TMED8: variants seen among roughly 807,000 people sequenced by gnomAD.
TMED8 encodes protein TMED8.
TMED8 carries 15 observed loss-of-function variants against 32.7 expected under a neutral mutation model. The ratio of observed to expected loss-of-function variants is 0.46; its 90% CI spans 0.31 to 0.71. The LOEUF (loss-of-function observed/expected upper bound fraction) is 0.71, where lower values mean the gene tolerates loss of function less well. Among genes scored for constraint, TMED8 ranks in the 30% least tolerant of loss-of-function variants. TMED8 has a pLI of 0.06. For synonymous variants in TMED8, 147 were observed against 161.4 expected, an observed-to-expected ratio of 0.91 and a Z score of 0.68; for missense variants, 390 against 423.9, an observed-to-expected ratio of 0.92 and a Z score of 0.70.
chr14:77,353,287 C>A (rs1402874401), intron 1 of TMED8, among the ~76,000 whole-genome samples: 1 of 152,172 alleles, frequency 6.6e-6, no homozygotes, highest in Non-Finnish European at 1.5e-5. Context: ...CTTCTCAATA[C>A]AAAATGCAAC....
chr14:77,350,881 TTA>T (rs1459345684), intron 2 of TMED8, among the ~76,000 whole-genome samples: 1 of 152,220 alleles, frequency 6.6e-6, no homozygotes, highest in East Asian at 1.9e-4. Context: ...ATATTCACAA[TTA>T]GCATTTTATG....
intron 2 of TMED8, among the ~76,000 whole-genome samples, chr14:77,348,415 T>G (rs995843630): frequency 5.3e-5 from 8 of 152,098 alleles, no homozygotes; most frequent in East Asian, 1.9e-4. Context: ...AGTAGAGACG[T>G]GGTTTCACCA....
At chr14:77,344,857 A>G (rs1892988626) in intron 3 of TMED8, among the ~76,000 whole-genome samples, 1 of 152,232 alleles carries the variant, frequency 6.6e-6, no homozygotes, top group African/African-American at 2.4e-5. Context: ...GAAATGAATC[A>G]GACTTTGGCT....
At position 77,335,145 on chromosome 14, in the gene TMED8, G is replaced by C. The variant is rs74063329; in HGVS notation, c.*6626C>G. On this transcript the variant is annotated 3_prime_UTR_variant, in exon 6 of 6. Transcript: ENST00000216468. ...ATAAAACGCAAGAACTGAGCTACTTGAAGAAGCACAGCTCAGAATCATCAG... is the reference window on the plus strand; with the variant it reads ...ATAAAACGCAAGAACTGAGCTACTTCAAGAAGCACAGCTCAGAATCATCAG... 1 of 152,176 alleles carries C rather than the reference G, an allele frequency of 6.6e-6. No individual in the cohort carries two copies. The highest frequency in any genetic ancestry group is 2.4e-5 in the African/African-American group (1 of 41,442). The allele number at this position is 152,176 out of a possible 1,614,324, so 9.4% of individuals were successfully genotyped here.
intron 1 of TMED8, among the ~76,000 whole-genome samples, chr14:77,353,152 G>C (rs1175854276): frequency 6.6e-6 from 1 of 152,134 alleles, no homozygotes; most frequent in Non-Finnish European, 1.5e-5. Context: ...ATGCTACTTA[G>C]TTTTGTGGGT....
At chr14:77,358,060 G>T (rs1893331026) in intron 1 of TMED8, among the ~76,000 whole-genome samples, 1 of 147,696 alleles carries the variant, frequency 6.8e-6, no homozygotes, top group Non-Finnish European at 1.5e-5. Flanking sequence ...GGAGGCGGAG[G>T]TTGCAGTGAG....
At chr14:77,363,569 GGAGGATC>G (rs1893485411) in intron 1 of TMED8, among the ~76,000 whole-genome samples, 2 of 152,152 alleles carry the variant, frequency 1.3e-5, no homozygotes, top group Admixed American at 1.3e-4. Context: ...AGCTGAGACA[GGAGGATC>G]ACTTGAGTTC....
chr14:77,347,663 C>T (rs1224726262), intron 2 of TMED8, among the ~76,000 whole-genome samples: 3 of 152,162 alleles, frequency 2.0e-5, no homozygotes, highest in Admixed American at 1.3e-4. Context: ...CCTCGGCCTC[C>T]CAAAGTACTA....
intron 1 of TMED8, among the ~76,000 whole-genome samples, chr14:77,353,617 ATTTT>A (rs1893230216): frequency 6.8e-6 from 1 of 148,128 alleles, no homozygotes; most frequent in East Asian, 2.0e-4. Context: ...TGCCAGACTG[ATTTT>A]TTTCTTTTTT....
chr14:77,349,398 G>A (rs111994938), intron 2 of TMED8, among the ~76,000 whole-genome samples: 2,512 of 152,018 alleles, frequency 0.017, 57 homozygotes, highest in African/African-American at 0.058. Flanking sequence ...GATTACAGGC[G>A]TGAGCCACCT....
chr14:77,337,376 A>T lies in TMED8; in HGVS notation c.*4395T>A, dbSNP rs1164708211. Reference sequence around the variant, plus strand: ...CAGCACAGATGTATTTTCTTGAAAGATGGAGACCAAGAAACAATTTTTTTT... The same window carrying T: ...CAGCACAGATGTATTTTCTTGAAAGTTGGAGACCAAGAAACAATTTTTTTT... On this transcript the variant is annotated 3_prime_UTR_variant, in exon 6 of 6. Transcript: ENST00000216468. The T allele has an allele frequency of 1.3e-5, 2 of 152,212 alleles. 1 individual carries two copies. Among genetic ancestry groups the T allele is most frequent in the Admixed American group, 1.3e-4 (2 of 15,270 alleles). The allele number at this position is 152,212 out of a possible 1,614,324, so 9.4% of individuals were successfully genotyped here. A position where few individuals can be genotyped will look rare whatever the true frequency, so the allele number is the denominator to read the frequency against.
intron 1 of TMED8, among the ~76,000 whole-genome samples, chr14:77,364,140 A>G (rs1454997363): frequency 1.3e-5 from 2 of 152,208 alleles, no homozygotes; most frequent in African/African-American, 4.8e-5. Flanking sequence ...GAAGAATAGT[A>G]TATTAATTTT....
In TMED8 at chr14:77,336,566, T is replaced by G. The variant is rs1483499250; in HGVS notation, c.*5205A>C. The G allele has an allele frequency of 6.6e-6, 1 of 152,176 alleles. No homozygotes were observed. Among genetic ancestry groups the G allele is most frequent in the Non-Finnish European group, 1.5e-5 (1 of 68,032 alleles). The allele number at this position is 152,176 out of a possible 1,614,324, so 9.4% of individuals were successfully genotyped here. A position where few individuals can be genotyped will look rare whatever the true frequency, so the allele number is the denominator to read the frequency against. ...GTTTAGGCAGGGACAATGCAACACT[T>G]GAGAGGCAGCAGTGATTTCTGAGCA... On this transcript the variant is annotated 3_prime_UTR_variant, in exon 6 of 6. Coordinates refer to ENST00000216468, the MANE Select transcript of TMED8 (RefSeq NM_213601.3).
At chr14:77,372,925 TA>T (rs1893710052) in intron 1 of TMED8, among the ~76,000 whole-genome samples, 2 of 29,050 alleles carry the variant, frequency 6.9e-5, no homozygotes, top group African/African-American at 5.1e-4. Context: ...TATATATATA[TA>T]TATATATATA....
rs1022375839 is a variant in TMED8, at chr14:77,336,528, T to G, written c.*5243A>C. The G allele has an allele frequency of 6.6e-6, 1 of 152,184 alleles. No homozygotes were observed. The highest frequency in any genetic ancestry group is 1.5e-5 in the Non-Finnish European group (1 of 68,030). 9.4% of individuals were successfully genotyped at this position (152,184 alleles called of 1,614,324 possible). ...AAGAATTCAAACAGGAGGGGCTTTG[T>G]TTAGCCTTCTTGGTTTAGGCAGGGA... On this transcript the variant is annotated 3_prime_UTR_variant, in exon 6 of 6. Coordinates refer to ENST00000216468, the MANE Select transcript of TMED8 (RefSeq NM_213601.3).
At chr14:77,351,352 G>T (rs543569447) in intron 2 of TMED8, among the ~76,000 whole-genome samples, 7 of 150,116 alleles carry the variant, frequency 4.7e-5, no homozygotes, top group African/African-American at 1.5e-4. Context: ...CAGGCGTGGT[G>T]GTGCGCGCCT....
chr14:77,341,837 C>G lies in TMED8; in HGVS notation c.912G>C (p.Lys304Asn), dbSNP rs753796712. Residue 304 changes from lysine (K) to asparagine (N), a missense_variant, in exon 6 of 6, where the codon AAG becomes AAC. Physicochemically the swap from Lys to Asn is moderately conservative, Grantham distance 94. Coordinates refer to ENST00000216468, the MANE Select transcript of TMED8 (RefSeq NM_213601.3). Reference protein sequence around the residue: ...DYPGEGIYLLKFDNSYSLLRN... With the variant: ...DYPGEGIYLLNFDNSYSLLRN... Reference sequence around the variant, plus strand: ...GCAGCAGGGAGTAGGAGTTGTCGAACTTGAGCAGGTAGATGCCCTCACCAG... The same window carrying G: ...GCAGCAGGGAGTAGGAGTTGTCGAAGTTGAGCAGGTAGATGCCCTCACCAG... 2.5e-6 allele frequency: 4 copies of G among 1,613,742 alleles called. No individual in the cohort carries two copies. Among genetic ancestry groups the G allele is most frequent in the Non-Finnish European group, 3.4e-6 (4 of 1,179,992 alleles).
intron 3 of TMED8, among the ~76,000 whole-genome samples, chr14:77,344,852 G>C (rs539854062): frequency 6.6e-6 from 1 of 152,202 alleles, no homozygotes; most frequent in African/African-American, 2.4e-5. Context: ...TAACTGAAAT[G>C]AATCAGACTT....
At position 77,336,867 on chromosome 14, in the gene TMED8, A is replaced by G. The variant is rs1892771159; in HGVS notation, c.*4904T>C. The G allele has an allele frequency of 6.6e-6, 1 of 152,228 alleles. No homozygotes were observed. The highest frequency in any genetic ancestry group is 1.5e-5 in the Non-Finnish European group (1 of 68,032). The allele number at this position is 152,228 out of a possible 1,614,324, so 9.4% of individuals were successfully genotyped here. A position where few individuals can be genotyped will look rare whatever the true frequency, so the allele number is the denominator to read the frequency against. On this transcript the variant is annotated 3_prime_UTR_variant, in exon 6 of 6. Coordinates refer to ENST00000216468, the MANE Select transcript of TMED8 (RefSeq NM_213601.3). ...GGTCTTAACAAACAAATATAAAAGC[A>G]GACTTTAGAGTCTGGGTTTCAACTA...
Sources: allele counts gnomAD v4.1 joint callset (sites outside exome capture counted in the v4.1 genomes callset), GRCh38; gene constraint gnomAD v4.1.1; transcripts MANE v1.5; gene names NCBI Gene and HGNC (gene_info 2026-07-23, HGNC 2026-07-21).